TRIM59: variants seen among roughly 807,000 people sequenced by gnomAD.
TRIM59 encodes tripartite motif-containing protein 59.
TRIM59 carries 14 observed loss-of-function variants against 32.2 expected under a neutral mutation model. That is an observed-to-expected ratio of 0.43 (90% CI 0.29 to 0.68). TRIM59 has a LOEUF of 0.68. Ranked by LOEUF, TRIM59 falls within the 30% of genes least tolerant of loss-of-function variation. The pLI, the probability that TRIM59 is intolerant of heterozygous loss-of-function variation, is 0.15. For missense variants in TRIM59, 471 were observed against 463.3 expected (o/e 1.02, Z -0.15); for synonymous variants, 163 against 155.1 (o/e 1.05, Z -0.38).
intron 2 of TRIM59, among the ~76,000 whole-genome samples, chr3:160,444,757 T>C (rs1162099420): frequency 6.6e-6 from 1 of 152,148 alleles, no homozygotes; most frequent in Non-Finnish European, 1.5e-5. Context: ...ACAGGCCAAA[T>C]AGAAGGGCAA....
At position 160,438,579 on chromosome 3, in the gene TRIM59, CTTT is replaced by C. The variant is rs763112993; in HGVS notation, c.602_604del (p.Lys201del). On this transcript the variant is annotated inframe_deletion, in exon 3 of 3. Coordinates refer to ENST00000309784, the MANE Select transcript of TRIM59 (RefSeq NM_173084.3). ...AACATCACAGAGAGCCGTTAGGAAA[CTTT>C]TTTTTTTCTGTTCTAATGTATCATT... The C allele has an allele frequency of 6.5e-7, 1 of 1,546,208 alleles. No individual in the cohort carries two copies. The highest frequency in any genetic ancestry group is 8.8e-7 in the Non-Finnish European group (1 of 1,131,542).
At chr3:160,448,843 A>G in intron 1 of TRIM59, 48 bp from the exon 2 acceptor site, 1 of 1,036,662 alleles carries the variant, frequency 9.6e-7, no homozygotes, top group African/African-American at 1.7e-5. Flanking sequence ...TTATTGTCTC[A>G]TGTCATAAAA....
rs1718922065 is a variant in TRIM59, at chr3:160,435,996, G to C, written c.*1976C>G. ...TGCTTACGTGTTTTTGAAACTACAG[G>C]GCACTTTTATGGTGTGACTAGTATT... On this transcript the variant is annotated 3_prime_UTR_variant, in exon 3 of 3. Transcript: ENST00000309784. The C allele has an allele frequency of 1.6e-6, 2 of 1,258,796 alleles. No individual in the cohort carries two copies. The highest frequency in any genetic ancestry group is 2.5e-5 in the Admixed American group (1 of 39,470). The allele number at this position is 1,258,796 out of a possible 1,614,324, so 78.0% of individuals were successfully genotyped here.
intron 2 of TRIM59, among the ~76,000 whole-genome samples, chr3:160,441,750 T>A (rs1288349326): frequency 8.9e-6 from 1 of 112,206 alleles, no homozygotes; most frequent in African/African-American, 3.7e-5. Flanking sequence ...TGAGACTCCA[T>A]CTCAAAAAAA....
At chr3:160,448,635 A>C in intron 2 of TRIM59, 91 bp downstream of exon 2, 1 of 747,914 alleles carries the variant, frequency 1.3e-6, no homozygotes, top group Non-Finnish European at 1.9e-6. Context: ...TTTTTTCAAA[A>C]GACTTCTAAA....
chr3:160,445,647 G>A lies in TRIM59; in HGVS notation c.-4+3079C>T, dbSNP rs139177468. Among the ~76,000 whole-genome samples the A allele has an allele frequency of 7.4e-3, 1,118 of 151,266 alleles. 12 individuals carry two copies. The highest frequency in any genetic ancestry group is 0.012 in the Non-Finnish European group (813 of 67,830). ...AAATTAGCTGGGCAGGGTGACAGACGCCTATAATCCCAGCTACTCGGGAGG... is the reference window on the plus strand; with the variant it reads ...AAATTAGCTGGGCAGGGTGACAGACACCTATAATCCCAGCTACTCGGGAGG... On this transcript the variant is annotated intron_variant, in intron 2 of 2. Coordinates refer to ENST00000309784, the MANE Select transcript of TRIM59 (RefSeq NM_173084.3).
intron 1 of TRIM59, chr3:160,449,421 C>T: frequency 9.1e-7 from 1 of 1,094,226 alleles, no homozygotes. Flanking sequence ...GGCACCCGCC[C>T]GTCCCCAACC....
intron 2 of TRIM59, among the ~76,000 whole-genome samples, chr3:160,441,043 A>C (rs749321571): frequency 7.2e-5 from 11 of 152,256 alleles, no homozygotes; most frequent in Non-Finnish European, 1.6e-4. Context: ...TTTTAATAAA[A>C]TGCAAACTTG....
At chr3:160,441,602 A>C (rs1332566984) in intron 2 of TRIM59, among the ~76,000 whole-genome samples, 1 of 151,914 alleles carries the variant, frequency 6.6e-6, no homozygotes, top group Non-Finnish European at 1.5e-5. Flanking sequence ...AAATACAAAA[A>C]AATTAGCCAG....
rs1469402120 is a variant in TRIM59, at chr3:160,438,972, T to A, written c.212A>T (p.Glu71Val). The A allele has an allele frequency of 6.2e-7, 1 of 1,614,122 alleles. No individual in the cohort carries two copies. Among genetic ancestry groups the A allele is most frequent in the South Asian group, 1.1e-5 (1 of 91,074 alleles). ...TAGTGCAAAATTAACAGGTAAAGAT[T>A]CAATGCCAGTTGGAGCAATTTCAGT... is the stretch of plus-strand genomic sequence containing the variant. ...SITEIAPTGI[E>V]SLPVNFALRA... Residue 71 changes from glutamate (E) to valine (V), a missense_variant, in exon 3 of 3, where the codon GAA becomes GTA. Glu to Val is a moderately radical substitution (Grantham distance 121, BLOSUM62 -2). Transcript: ENST00000309784.
At position 160,439,123 on chromosome 3, in the gene TRIM59, G is replaced by T; in HGVS notation, c.61C>A (p.Arg21Ser). Residue 21 changes from arginine to serine, a missense_variant, in exon 3 of 3, where the codon CGT becomes AGT. Arg to Ser is a moderately radical substitution (Grantham distance 110). Transcript: ENST00000309784. Reference protein sequence around the residue: ...PICYSIFEDPRVLPCSHTFCR... With the variant: ...PICYSIFEDPSVLPCSHTFCR... ...AATGTATGAGAGCATGGCAGTACACGAGGATCTTCAAAAATACTATAACAT... is the reference window on the plus strand; with the variant it reads ...AATGTATGAGAGCATGGCAGTACACTAGGATCTTCAAAAATACTATAACAT... 6.6e-7 allele frequency: 1 copy of T among 1,516,148 alleles called. No individual in the cohort carries two copies. Among genetic ancestry groups the T allele is most frequent in the Non-Finnish European group, 8.8e-7 (1 of 1,133,540 alleles). 93.9% of individuals were successfully genotyped at this position (1,516,148 alleles called of 1,614,324 possible). A position where few individuals can be genotyped will look rare whatever the true frequency, so the allele number is the denominator to read the frequency against.
rs1296661085 is a variant in TRIM59, at chr3:160,438,065, T to C, written c.1119A>G (p.Gln373=). The change falls in exon 3 of 3, where the codon CAA becomes CAG. Residue 373 remains glutamine (Q), a synonymous_variant. Coordinates refer to ENST00000309784, the MANE Select transcript of TRIM59 (RefSeq NM_173084.3). ...CCTTATGCAGACTGTTAGATAAACTTTGGTAAACAGATAGAGAGGCTTCAG... is the reference window on the plus strand; with the variant it reads ...CCTTATGCAGACTGTTAGATAAACTCTGGTAAACAGATAGAGAGGCTTCAG... ...WFSEASLSVY[Q]SLSNSLHKVK... is the part of the protein sequence containing the mutation. The C allele has an allele frequency of 6.8e-6, 11 of 1,609,706 alleles. No individual in the cohort carries two copies. The highest frequency in any genetic ancestry group is 4.0e-5 in the African/African-American group (3 of 74,734).
intron 2 of TRIM59, among the ~76,000 whole-genome samples, chr3:160,440,674 G>A (rs1186392653): frequency 6.6e-6 from 1 of 152,038 alleles, no homozygotes; most frequent in Non-Finnish European, 1.5e-5. Context: ...CACTTTGGGA[G>A]GCCGAGGCGG....
At chr3:160,440,670 G>C (rs1243777449) in intron 2 of TRIM59, among the ~76,000 whole-genome samples, 1 of 152,074 alleles carries the variant, frequency 6.6e-6, no homozygotes, top group Non-Finnish European at 1.5e-5. Context: ...CCAGCACTTT[G>C]GGAGGCCGAG....
chr3:160,446,333 C>T (rs1171218033), intron 2 of TRIM59, among the ~76,000 whole-genome samples: 1 of 151,780 alleles, frequency 6.6e-6, no homozygotes, highest in East Asian at 1.9e-4. Flanking sequence ...ACAATACAAA[C>T]TAAAAATGGA....
intron 1 of TRIM59, chr3:160,449,469 C>G (rs1390828604): frequency 8.5e-7 from 1 of 1,183,144 alleles, no homozygotes; most frequent in Non-Finnish European, 1.1e-6. Flanking sequence ...CCGCTCAGCT[C>G]ACCCTCGCCA....
chr3:160,441,566 A>C (rs1719245960), intron 2 of TRIM59, among the ~76,000 whole-genome samples: 1 of 152,066 alleles, frequency 6.6e-6, no homozygotes, highest in South Asian at 2.1e-4. Context: ...ATCCTGCCTA[A>C]CAGGGTGAAA....
Position 160,436,576 on chromosome 3 carries a change from A to C in TRIM59, c.*1396T>G, listed in dbSNP as rs992741918. 1.1e-6 allele frequency: 1 copy of C among 938,576 alleles called. No individual in the cohort carries two copies. Among genetic ancestry groups the C allele is most frequent in the African/African-American group, 1.8e-5 (1 of 56,418 alleles). The allele number at this position is 938,576 out of a possible 1,614,324, so 58.1% of individuals were successfully genotyped here. On this transcript the variant is annotated 3_prime_UTR_variant, in exon 3 of 3. Transcript: ENST00000309784. ...CATTTTGGGAGGCTGAGGCGAGTGG[A>C]TCATGAGGTCAGGAGATAGAGACCA... is the stretch of plus-strand genomic sequence containing the variant.
At chr3:160,445,813 C>A (rs1213186497) in intron 2 of TRIM59, among the ~76,000 whole-genome samples, 3 of 151,534 alleles carry the variant, frequency 2.0e-5, no homozygotes, top group African/African-American at 7.3e-5. Context: ...ACTGATAAAC[C>A]CAAGAGATGG....
Sources: allele counts gnomAD v4.1 joint callset (sites outside exome capture counted in the v4.1 genomes callset), GRCh38; gene constraint gnomAD v4.1.1; transcripts MANE v1.5; gene names NCBI Gene and HGNC (gene_info 2026-07-23, HGNC 2026-07-21).